Variants in FCHSD2 observed in about 807,000 individuals in gnomAD.
FCHSD2 encodes FCH and double SH3 domains 2.
Under a neutral mutation model 108.1 loss-of-function variants are expected in FCHSD2, and 38 were observed. The observed-to-expected ratio is 0.35, with a 90% CI of 0.27 to 0.46. The LOEUF is 0.46. Among genes scored for constraint, FCHSD2 ranks in the 20% least tolerant of loss-of-function variants. The pLI is 1.00. For missense variants in FCHSD2, 751 were observed against 897.8 expected, an observed-to-expected ratio of 0.84 and a Z score of 2.09; for synonymous variants, 279 against 314.7, an observed-to-expected ratio of 0.89 and a Z score of 1.20.
chr11:73,084,960 GAA>G (rs768600117), intron 2 of FCHSD2, among the ~76,000 whole-genome samples: 4 of 106,754 alleles, frequency 3.7e-5, no homozygotes, highest in East Asian at 5.3e-4. Context: ...TAAGAAGGAG[GAA>G]AAAAAAAAAA....
chr11:72,882,297 C>G (rs969369511), intron 12 of FCHSD2, among the ~76,000 whole-genome samples: 6 of 151,716 alleles, frequency 4.0e-5, no homozygotes, highest in Non-Finnish European at 7.4e-5. Flanking sequence ...AAAAAATTAG[C>G]CGGGCGTGGT....
At chr11:72,908,189 A>G (rs955092374) in intron 9 of FCHSD2, among the ~76,000 whole-genome samples, 6 of 152,168 alleles carry the variant, frequency 3.9e-5, no homozygotes, top group Non-Finnish European at 7.3e-5. Context: ...AGTTTTATCT[A>G]TGTTGTTGTA....
intron 2 of FCHSD2, among the ~76,000 whole-genome samples, chr11:73,137,057 G>A (rs1180961023): frequency 6.6e-6 from 1 of 152,164 alleles, no homozygotes; most frequent in South Asian, 2.1e-4. Flanking sequence ...TCCAAGTTCA[G>A]AGATTTCCAG....
chr11:73,065,261 G>C (rs1008260087), intron 3 of FCHSD2, among the ~76,000 whole-genome samples: 1 of 151,916 alleles, frequency 6.6e-6, no homozygotes, highest in African/African-American at 2.4e-5. Flanking sequence ...AAAAAAACAC[G>C]ATTATCTCAA....
chr11:73,028,169 C>T (rs1271034681), intron 3 of FCHSD2, among the ~76,000 whole-genome samples: 1 of 152,180 alleles, frequency 6.6e-6, no homozygotes, highest in African/African-American at 2.4e-5. Flanking sequence ...AAACCTCACA[C>T]CATGTACCTG....
chr11:73,043,304 G>C (rs1858685465), intron 3 of FCHSD2, among the ~76,000 whole-genome samples: 2 of 152,164 alleles, frequency 1.3e-5, no homozygotes, highest in Admixed American at 1.3e-4. Context: ...ATCACTAAAA[G>C]GCTCGGTCAA....
chr11:73,044,275 A>C (rs1420664182), intron 3 of FCHSD2, among the ~76,000 whole-genome samples: 1 of 152,174 alleles, frequency 6.6e-6, no homozygotes, highest in African/African-American at 2.4e-5. Flanking sequence ...AAAAAAACTT[A>C]TGAATATTTC....
At chr11:72,889,715 A>G (rs1190804229) in intron 11 of FCHSD2, 114 bp downstream of exon 11, 1 of 657,572 alleles carries the variant, frequency 1.5e-6, no homozygotes, top group East Asian at 2.8e-5. Flanking sequence ...TCTTGTCTCA[A>G]ATAAAACAAA....
intron 3 of FCHSD2, among the ~76,000 whole-genome samples, chr11:73,056,898 C>G (rs1019106095): frequency 1.1e-4 from 17 of 151,964 alleles, no homozygotes; most frequent in Admixed American, 1.1e-3. Context: ...CTGGCTAACA[C>G]AGTGAAACCC....
At chr11:72,856,788 T>C (rs535818127) in intron 13 of FCHSD2, among the ~76,000 whole-genome samples, 1 of 152,372 alleles carries the variant, frequency 6.6e-6, no homozygotes, top group Non-Finnish European at 1.5e-5. Context: ...CACAGACTTA[T>C]GATTCTATTG....
Position 72,842,695 on chromosome 11 carries a change from C to T in FCHSD2, c.1852G>A (p.Val618Ile). The T allele has an allele frequency of 6.2e-7, 1 of 1,614,032 alleles. No individual in the cohort carries two copies. Among genetic ancestry groups the T allele is most frequent in the Non-Finnish European group, 8.5e-7 (1 of 1,179,906 alleles). ...TCTTCCACTAGCACCGATGGGAAAA[C>T]TCCAATACGCCCATTGAATTCCCCT... ...WEGEFNGRIG[V>I]FPSVLVEELS... The change falls in exon 17 of 20, where the codon GTT becomes ATT. Residue 618 changes from valine to isoleucine, a missense_variant. By Grantham distance (29) the Val-to-Ile change is conservative. Coordinates refer to ENST00000409418, the MANE Select transcript of FCHSD2 (RefSeq NM_014824.3).
intron 8 of FCHSD2, among the ~76,000 whole-genome samples, chr11:72,969,467 T>C (rs1856970410): frequency 6.6e-6 from 1 of 152,184 alleles, no homozygotes; most frequent in Non-Finnish European, 1.5e-5. Context: ...GACAAAAAGA[T>C]GAATCTTTGT....
At chr11:72,908,395 C>A (rs1449361815) in intron 9 of FCHSD2, among the ~76,000 whole-genome samples, 2 of 152,124 alleles carry the variant, frequency 1.3e-5, no homozygotes, top group African/African-American at 4.8e-5. Context: ...TGGGTGTATA[C>A]CTAGCAGTGA....
chr11:73,091,496 C>A lies in FCHSD2; in HGVS notation c.120-7756G>T, dbSNP rs1253592680. Among the ~76,000 whole-genome samples, 13 of 152,108 alleles carry A rather than the reference C, an allele frequency of 8.5e-5. 1 individual carries two copies. In the East Asian group the frequency reaches 2.5e-3, roughly 29 times the overall value. On this transcript the variant is annotated intron_variant, in intron 2 of 19. Transcript: ENST00000409418. Reference sequence around the variant, plus strand: ...CCCGGGAGGCAGAGGTTGCAGTGAGCCGAGATCATGCCACTGCACTCCAGC... The same window carrying A: ...CCCGGGAGGCAGAGGTTGCAGTGAGACGAGATCATGCCACTGCACTCCAGC...
In FCHSD2 at chr11:73,003,135, T is replaced by G. The variant is rs1433366787; in HGVS notation, c.243-2001A>C. On this transcript the variant is annotated intron_variant, in intron 4 of 19. Transcript: ENST00000409418. ...TAGCAGGGAAACATATCCTGAACACTGATATACCATGAAAAGCACAGAATT... is the reference window on the plus strand; with the variant it reads ...TAGCAGGGAAACATATCCTGAACACGGATATACCATGAAAAGCACAGAATT... Among the ~76,000 whole-genome samples the G allele has an allele frequency of 2.0e-5, 3 of 152,188 alleles. No homozygotes were observed. The East Asian group carries it at 5.8e-4, about 29-fold the overall frequency.
At chr11:73,029,400 G>A (rs1406483153) in intron 3 of FCHSD2, among the ~76,000 whole-genome samples, 1 of 152,184 alleles carries the variant, frequency 6.6e-6, no homozygotes, top group Non-Finnish European at 1.5e-5. Context: ...GCAACTCCCA[G>A]AGAAAGATTT....
At chr11:73,002,203 CTTAG>C (rs1448151631) in intron 4 of FCHSD2, among the ~76,000 whole-genome samples, 4 of 152,102 alleles carry the variant, frequency 2.6e-5, no homozygotes, top group South Asian at 4.1e-4. Context: ...GGGTCCCTAT[CTTAG>C]TTAGAAGTAA....
chr11:72,881,443 T>G (rs1478055459), intron 12 of FCHSD2, among the ~76,000 whole-genome samples: 1 of 152,242 alleles, frequency 6.6e-6, no homozygotes, highest in Non-Finnish European at 1.5e-5. Context: ...TTGGTGGGAA[T>G]GTAAATTAGT....
At chr11:73,122,695 A>G (rs1860763291) in intron 2 of FCHSD2, among the ~76,000 whole-genome samples, 1 of 152,212 alleles carries the variant, frequency 6.6e-6, no homozygotes, top group Admixed American at 6.5e-5. Flanking sequence ...GATATATATT[A>G]CTCAGATGCC....
Sources: gnomAD v4.1 joint callset for allele counts (sites outside exome capture counted in the v4.1 genomes callset) on GRCh38, gnomAD v4.1.1 for gene constraint, MANE v1.5 for transcripts, NCBI Gene and HGNC (gene_info 2026-07-23, HGNC 2026-07-21) for gene names.